The following RTEL1 variants were observed in gnomAD, a reference collection of about 807,000 sequenced individuals.
RTEL1 encodes regulator of telomere length.
Under a neutral mutation model 162.2 loss-of-function variants are expected in RTEL1, and 86 were observed. The observed-to-expected ratio is 0.53, with a 90% CI of 0.45 to 0.63. RTEL1 has a LOEUF of 0.63. Among genes scored for constraint, RTEL1 ranks in the 30% least tolerant of loss-of-function variants. The pLI is 0.00. For synonymous variants in RTEL1, 958 were observed against 717.9 expected (o/e 1.33, Z -5.35); for missense variants, 1,941 against 1,750.2 (o/e 1.11, Z -1.95).
At chr20:63,693,109 G>C in intron 29 of RTEL1, 34 bp from the exon 30 acceptor site, 1 of 1,612,048 alleles carries the variant, frequency 6.2e-7, no homozygotes, top group Non-Finnish European at 8.5e-7. Flanking sequence ...AGAGAAAAAG[G>C]GGCAGATGGG....
rs1414112324 is a variant in RTEL1, at chr20:63,695,453, C to A, written c.3625C>A (p.Pro1209Thr). The A allele has an allele frequency of 6.3e-7, 1 of 1,589,242 alleles. No homozygotes were observed. The highest frequency in any genetic ancestry group is 1.2e-5 in the South Asian group (1 of 86,640). Residue 1209 changes from proline (P) to threonine (T), a missense_variant, in exon 34 of 35, where the codon CCC (proline) becomes ACC (threonine). By Grantham distance (38) the Pro-to-Thr change is conservative. Coordinates refer to ENST00000360203, the MANE Select transcript of RTEL1 (RefSeq NM_001283009.2). ...DAGPSQSSGP[P>T]HGPAASEWGE... ...AGGTCCCAGCCAGTCCTCAGGACCT[C>A]CCCACGGGCCTGCAGCATCTGAGTG...
At position 63,690,951 on chromosome 20, in the gene RTEL1, C is replaced by T. The variant is rs746002873; in HGVS notation, c.2556+4C>T. On this transcript the variant is annotated splice_donor_region_variant and intron_variant, in intron 27 of 34. Coordinates refer to ENST00000360203, the MANE Select transcript of RTEL1 (RefSeq NM_001283009.2). ...GGGGAGCCCTGGCGAGGAGCAGGTACAGTTCCAGGGCCTTGGGATGGACAC... is the reference window on the plus strand; with the variant it reads ...GGGGAGCCCTGGCGAGGAGCAGGTATAGTTCCAGGGCCTTGGGATGGACAC... The T allele has an allele frequency of 3.2e-6, 5 of 1,547,886 alleles. No individual in the cohort carries two copies. Among genetic ancestry groups the T allele is most frequent in the Admixed American group, 3.9e-5 (2 of 50,934 alleles).
At position 63,688,349 on chromosome 20, in the gene RTEL1, C is replaced by A; in HGVS notation, c.1685C>A (p.Ser562Tyr). The stretch of plus-strand genomic sequence containing the variant: ...TATGGGCTCCTGATCTTCTTCCCTT[C>A]CTATCCTGTCATGGAGAAGAGCCTG... ...VPYGLLIFFP[S>Y]YPVMEKSLEF... The change falls in exon 20 of 35, where the codon TCC becomes TAC. Residue 562 changes from serine to tyrosine, a missense_variant. By Grantham distance (144) the Ser-to-Tyr change is moderately radical. Coordinates refer to ENST00000360203, the MANE Select transcript of RTEL1 (RefSeq NM_001283009.2). 6.2e-7 allele frequency: 1 copy of A among 1,612,712 alleles called. No individual in the cohort carries two copies. The highest frequency in any genetic ancestry group is 1.3e-5 in the African/African-American group (1 of 75,070).
chr20:63,688,682 C>A, intron 21 of RTEL1, 77 bp downstream of exon 21: 2 of 1,380,396 alleles, frequency 1.4e-6, no homozygotes, highest in Non-Finnish European at 2.0e-6. Flanking sequence ...CCAAGGCTGA[C>A]CACTGGCCCT....
At chr20:63,667,186 A>C (rs1481067304) in intron 7 of RTEL1, among the ~76,000 whole-genome samples, 1 of 152,054 alleles carries the variant, frequency 6.6e-6, no homozygotes, top group Non-Finnish European at 1.5e-5. Flanking sequence ...GTTTCTATCC[A>C]GGAATAGGGT....
Position 63,688,066 on chromosome 20 carries a change from TG to T in RTEL1, c.1595+19del, listed in dbSNP as rs2090636792. On this transcript the variant is annotated intron_variant, in intron 18 of 34. Transcript: ENST00000360203. ...TTGACAGACGGTGAGGGCCTGTCCC[TG>T]GGCCCTGCTGGGGTGGGAGGTGGGG... is the stretch of plus-strand genomic sequence containing the variant. 6.2e-7 allele frequency: 1 copy of T among 1,611,016 alleles called. No homozygotes were observed. Among genetic ancestry groups the T allele is most frequent in the Admixed American group, 1.7e-5 (1 of 59,996 alleles).
intron 10 of RTEL1, among the ~76,000 whole-genome samples, chr20:63,675,295 C>G (rs992027562): frequency 2.0e-5 from 3 of 152,178 alleles, no homozygotes; most frequent in Admixed American, 2.0e-4. Context: ...ACTACTTGCT[C>G]GTGAGCATCT....
chr20:63,666,131 C>T (rs777691457), intron 7 of RTEL1, 52 bp downstream of exon 7: 31 of 1,413,358 alleles, frequency 2.2e-5, no homozygotes, highest in Non-Finnish European at 2.8e-5. Flanking sequence ...GCCCAGCTCT[C>T]CTGTGACCTG....
Position 63,674,007 on chromosome 20 carries a change from T to C in RTEL1, c.833T>C (p.Val278Ala), listed in dbSNP as rs1433568535. 1.2e-6 allele frequency: 2 copies of C among 1,614,006 alleles called. No individual in the cohort carries two copies. The highest frequency in any genetic ancestry group is 2.7e-5 in the African/African-American group (2 of 74,910). Residue 278 changes from valine (V) to alanine (A), a missense_variant, in exon 10 of 35, where the codon GTC becomes GCC. By Grantham distance (64) the Val-to-Ala change is moderately conservative (BLOSUM62 0). Coordinates refer to ENST00000360203, the MANE Select transcript of RTEL1 (RefSeq NM_001283009.2). ...TPHDLASGLD[V>A]IDQVLEEQTK... ...CATGACCTGGCTTCAGGACTGGACGTCATAGACCAGGTGCTGGAGGAGCAG... is the reference window on the plus strand; with the variant it reads ...CATGACCTGGCTTCAGGACTGGACGCCATAGACCAGGTGCTGGAGGAGCAG...
Position 63,694,403 on chromosome 20 carries a change from G to GA in RTEL1, c.3024_3025insA (p.Ser1009IlefsTer58). Reference sequence around the variant, plus strand: ...CGGCGCCGGATCCCAAGCTGACCGTGTCCACGGCTGCAGCCCAGCAGCTGG... The same window carrying GA: ...CGGCGCCGGATCCCAAGCTGACCGTGATCCACGGCTGCAGCCCAGCAGCTGG... On this transcript the variant is annotated frameshift_variant, in exon 31 of 35. Transcript: ENST00000360203. LOFTEE classifies it high-confidence loss of function. 1 of 1,612,352 alleles carries GA rather than the reference G, an allele frequency of 6.2e-7. No homozygotes were observed.
At chr20:63,670,753 C>G (rs1191726603) in intron 8 of RTEL1, among the ~76,000 whole-genome samples, 1 of 151,024 alleles carries the variant, frequency 6.6e-6, no homozygotes, top group Non-Finnish European at 1.5e-5. Flanking sequence ...GGGGCCAAGG[C>G]TGGGGGATCG....
chr20:63,695,511 A>G lies in RTEL1; in HGVS notation c.3683A>G (p.Gln1228Arg), dbSNP rs746469298. The G allele has an allele frequency of 1.1e-5, 18 of 1,611,832 alleles. No individual in the cohort carries two copies. The South Asian group carries it at 1.6e-4, about 15-fold the overall frequency. Residue 1228 changes from glutamine (Q) to arginine (R), a missense_variant, in exon 34 of 35, where the codon CAG (glutamine) becomes CGG (arginine). Coordinates refer to ENST00000360203, the MANE Select transcript of RTEL1 (RefSeq NM_001283009.2). ...CCTCATGGGAGAGACATCGCTGGGC[A>G]GCAGGCCACGGGAGCTCCGGGCGGG... ...GEPHGRDIAGQQATGAPGGPL... is the reference protein window; with the variant it reads ...GEPHGRDIAGRQATGAPGGPL...
chr20:63,694,613 C>G (rs1442790496), intron 31 of RTEL1, 125 bp downstream of exon 31: 4 of 1,209,090 alleles, frequency 3.3e-6, no homozygotes, highest in South Asian at 1.4e-5. Flanking sequence ...GGGGACTGCT[C>G]CCGGTTCTGC....
intron 14 of RTEL1, among the ~76,000 whole-genome samples, chr20:63,684,345 G>C (rs2090544553): frequency 6.6e-6 from 1 of 152,032 alleles, no homozygotes; most frequent in South Asian, 2.1e-4. Context: ...GTGTTGGCCT[G>C]AACCAATTTC....
chr20:63,695,442 C>A lies in RTEL1; in HGVS notation c.3614C>A (p.Ser1205Tyr). 1 of 1,581,024 alleles carries A rather than the reference C, an allele frequency of 6.3e-7. No homozygotes were observed. Among genetic ancestry groups the A allele is most frequent in the East Asian group, 2.2e-5 (1 of 44,632 alleles). The change falls in exon 34 of 35, where the codon TCC (serine) becomes TAC (tyrosine). Residue 1205 changes from serine to tyrosine, a missense_variant. Ser to Tyr is a moderately radical substitution (Grantham distance 144). Coordinates refer to ENST00000360203, the MANE Select transcript of RTEL1 (RefSeq NM_001283009.2). ...GGTGAGGATGCAGGTCCCAGCCAGTCCTCAGGACCTCCCCACGGGCCTGCA... is the reference window on the plus strand; with the variant it reads ...GGTGAGGATGCAGGTCCCAGCCAGTACTCAGGACCTCCCCACGGGCCTGCA... ...AGGEDAGPSQSSGPPHGPAAS... is the reference protein window; with the variant it reads ...AGGEDAGPSQYSGPPHGPAAS...
intron 13 of RTEL1, among the ~76,000 whole-genome samples, 192 bp from the exon 14 acceptor site, chr20:63,680,472 C>A (rs2090456809): frequency 6.6e-6 from 1 of 152,248 alleles, no homozygotes; most frequent in South Asian, 2.1e-4. Flanking sequence ...TGCCTGGCTT[C>A]TCTCCTGGCT....
At chr20:63,658,939 G>A (rs575452422) in intron 1 of RTEL1, among the ~76,000 whole-genome samples, 1 of 152,378 alleles carries the variant, frequency 6.6e-6, no homozygotes, top group Non-Finnish European at 1.5e-5. Flanking sequence ...GGTGAGGCCG[G>A]GAGGGGTGCC....
chr20:63,694,294 A>AGCCGG, intron 30 of RTEL1, 78 bp from the exon 31 acceptor site: 1 of 1,124,870 alleles, frequency 8.9e-7, no homozygotes, highest in Non-Finnish European at 1.3e-6. Context: ...TGGCCTCCCT[A>AGCCGG]GCCAGCCCTG....
Position 63,661,641 on chromosome 20 carries a change from C to G in RTEL1, c.301+145C>G. 1 of 997,162 alleles carries G rather than the reference C, an allele frequency of 1.0e-6. No homozygotes were observed. 61.8% of individuals were successfully genotyped at this position (997,162 alleles called of 1,614,324 possible). A position where few individuals can be genotyped will look rare whatever the true frequency, so the allele number is the denominator to read the frequency against. On this transcript the variant is annotated intron_variant, in intron 3 of 34. Coordinates refer to ENST00000360203, the MANE Select transcript of RTEL1 (RefSeq NM_001283009.2). The surrounding 1 kb of genome is among the most constrained non-coding windows in gnomAD (Gnocchi z 5.1). ...ATTTTTTAGCTGCTGTATAATTTCT[C>G]GCCATCGTGGGTGTAAACCTAGGGT...
Sources: allele counts gnomAD v4.1 joint callset (sites outside exome capture counted in the v4.1 genomes callset), GRCh38; gene constraint gnomAD v4.1.1; non-coding constraint Gnocchi (gnomAD v3.1); transcripts MANE v1.5; gene names NCBI Gene and HGNC (gene_info 2026-07-23, HGNC 2026-07-21).